The following STAG2 variants were observed in gnomAD, a reference collection of about 807,000 sequenced individuals.
The protein encoded by STAG2 is cohesin subunit SA-2.
STAG2 carries 14 observed loss-of-function variants against 108.1 expected under a neutral mutation model. That is an observed-to-expected ratio of 0.13 (90% CI 0.09 to 0.20). The LOEUF (loss-of-function observed/expected upper bound fraction) is 0.20, where lower values mean the gene tolerates loss of function less well. Among genes scored for constraint, STAG2 ranks in the 10% least tolerant of loss-of-function variants. The pLI is 1.00. For synonymous variants in STAG2, 307 were observed against 302.7 expected, an observed-to-expected ratio of 1.01 and a Z score of -0.15; for missense variants, 440 against 940.9, an observed-to-expected ratio of 0.47 and a Z score of 6.96.
rs180824753 is a variant in STAG2 at position 124,029,398 on chromosome X, C to T, written c.124-1563C>T. Among the ~76,000 whole-genome samples, 249 of 109,331 alleles carry T rather than the reference C, an allele frequency of 2.3e-3. 3 individuals carry two copies. In the East Asian group the frequency reaches 0.045, roughly 20 times the overall value. The allele number at this position is 109,331 out of a possible 115,157, so 94.9% of individuals were successfully genotyped here. ...TGATCTCGGCTCACTGCAGCCTCCA[C>T]CTCCTGGGTTCAAGCAATTTTCCTG... On this transcript the variant is annotated intron_variant, in intron 4 of 34. Coordinates refer to ENST00000371145, the MANE Select transcript of STAG2 (RefSeq NM_001042750.2).
chrX:124,091,003 C>A lies in STAG2; in HGVS notation c.3578+39C>A, dbSNP rs1443559004. The A allele has an allele frequency of 4.1e-6, 4 of 983,757 alleles. No homozygotes were observed. The South Asian group carries it at 6.5e-5, about 16-fold the overall frequency. 81.1% of individuals were successfully genotyped at this position (983,757 alleles called of 1,213,427 possible). ...CCTTATTGTCTGAGTCTAGGAAGTTCACTAATTCATTTTAACATTTTAATG... is the reference window on the plus strand; with the variant it reads ...CCTTATTGTCTGAGTCTAGGAAGTTAACTAATTCATTTTAACATTTTAATG... On this transcript the variant is annotated intron_variant, in intron 32 of 34. Transcript: ENST00000371145.
At chrX:123,981,573 T>C (rs897055909) in intron 1 of STAG2, among the ~76,000 whole-genome samples, 1 of 111,945 alleles carries the variant, frequency 8.9e-6, no homozygotes, top group African/African-American at 3.2e-5. Flanking sequence ...GGGTTACTTA[T>C]ACCTTTTGGC....
chrX:124,095,594 C>T, intron 34 of STAG2, 145 bp downstream of exon 34: 1 of 471,877 alleles, frequency 2.1e-6, no homozygotes, highest in Admixed American at 3.5e-5. Flanking sequence ...GGCAGGATTT[C>T]AGTGGGAGGG....
chrX:124,043,130 G>GC (rs1254220222), intron 7 of STAG2, among the ~76,000 whole-genome samples: 1 of 102,422 alleles, frequency 9.8e-6, no homozygotes, highest in Non-Finnish European at 2.0e-5. Flanking sequence ...AGTGTCAGTT[G>GC]TTTTTTTTTT....
intron 3 of STAG2, among the ~76,000 whole-genome samples, chrX:124,024,354 TC>T (rs1268994558): frequency 9.0e-6 from 1 of 111,127 alleles, no homozygotes; most frequent in Non-Finnish European, 1.9e-5. Flanking sequence ...TACTTATACA[TC>T]AAGATATTTT....
intron 1 of STAG2, among the ~76,000 whole-genome samples, chrX:123,998,085 G>T (rs935852412): frequency 3.6e-5 from 4 of 110,739 alleles, no homozygotes; most frequent in African/African-American, 1.3e-4. Flanking sequence ...GTACATAAAT[G>T]TCTTTTTGAG....
intron 1 of STAG2, among the ~76,000 whole-genome samples, chrX:123,965,056 C>T (rs1602603307): frequency 1.9e-5 from 2 of 107,162 alleles, no homozygotes; most frequent in African/African-American, 3.4e-5. Flanking sequence ...GTCACAGTTC[C>T]GAAAGGAATC....
chrX:123,991,951 A>ATTT (rs2055501281), intron 1 of STAG2, among the ~76,000 whole-genome samples: 1 of 113,091 alleles, frequency 8.8e-6, no homozygotes, highest in Non-Finnish European at 1.9e-5. Context: ...AGGCGTGAGC[A>ATTT]ACGACGCCTG....
At chrX:124,014,346 TTA>T (rs1424558295) in intron 1 of STAG2, among the ~76,000 whole-genome samples, 5 of 111,556 alleles carry the variant, frequency 4.5e-5, no homozygotes. Context: ...CTTCCATCCT[TTA>T]TATATATGTA....
chrX:124,057,060 T>C (rs923036063), intron 14 of STAG2, among the ~76,000 whole-genome samples: 2 of 110,942 alleles, frequency 1.8e-5, no homozygotes, highest in Non-Finnish European at 3.8e-5. Flanking sequence ...GTCTTCAACT[T>C]ATTTTTCCTT....
chrX:124,034,624 T>A (rs903284408), intron 5 of STAG2, among the ~76,000 whole-genome samples: 1 of 111,415 alleles, frequency 9.0e-6, no homozygotes, highest in Non-Finnish European at 1.9e-5. Flanking sequence ...TGCAATAGTT[T>A]TATTTTACTC....
At chrX:124,028,779 A>G (rs1362720875) in intron 4 of STAG2, among the ~76,000 whole-genome samples, 2 of 89,811 alleles carry the variant, frequency 2.2e-5, no homozygotes, top group Non-Finnish European at 4.3e-5. Context: ...ACTGTCCAGG[A>G]GCTCTAAGAA....
At chrX:124,079,170 G>A (rs2058883853) in intron 27 of STAG2, among the ~76,000 whole-genome samples, 1 of 97,958 alleles carries the variant, frequency 1.0e-5, no homozygotes, top group Admixed American at 1.1e-4. Flanking sequence ...ACGGAGTCTC[G>A]CCCTGTCGCC....
chrX:124,068,256 C>T (rs1420948794), intron 23 of STAG2, among the ~76,000 whole-genome samples: 1 of 111,140 alleles, frequency 9.0e-6, no homozygotes, highest in East Asian at 2.8e-4. Flanking sequence ...GCATTCTGTG[C>T]TAGTGGCTTT....
At chrX:124,000,395 C>T (rs1340500345) in intron 1 of STAG2, among the ~76,000 whole-genome samples, 2 of 111,539 alleles carry the variant, frequency 1.8e-5, no homozygotes, top group East Asian at 2.8e-4. Context: ...TGTGGCCAGG[C>T]ATGGTGGCTG....
At chrX:124,097,640 CTG>C (rs2059416429) in intron 34 of STAG2, 2 of 306,309 alleles carry the variant, frequency 6.5e-6, no homozygotes, top group African/African-American at 5.3e-5. Flanking sequence ...GTGACAGACA[CTG>C]TGCTAGGTAT....
Position 124,100,665 on chromosome X carries a change from T to TAA in STAG2, c.*69_*70insAA. ...TGGAAGAGGAAATTTTAAAGTGTGG[T>TAA]AGATACAGTGAAATTCTGTACAGAT... is the stretch of plus-strand genomic sequence containing the variant. On this transcript the variant is annotated 3_prime_UTR_variant, in exon 35 of 35. Transcript: ENST00000371145. 1 of 909,021 alleles carries TAA rather than the reference T, an allele frequency of 1.1e-6. No homozygotes were observed. Among genetic ancestry groups the TAA allele is most frequent in the Non-Finnish European group, 1.6e-6 (1 of 630,059 alleles). 74.9% of individuals were successfully genotyped at this position (909,021 alleles called of 1,213,427 possible).
At chrX:123,987,225 C>T (rs898519967) in intron 1 of STAG2, among the ~76,000 whole-genome samples, 6 of 109,215 alleles carry the variant, frequency 5.5e-5, no homozygotes, top group Non-Finnish European at 1.1e-4. Flanking sequence ...CTCCTGACCT[C>T]GTGATCCACC....
intron 30 of STAG2, among the ~76,000 whole-genome samples, chrX:124,089,324 A>G (rs186682480): frequency 2.0e-3 from 227 of 112,645 alleles, no homozygotes; most frequent in Admixed American, 4.5e-3. Context: ...TTCAGTAACA[A>G]TTGTACACAA....
Sources: gnomAD v4.1 joint callset for allele counts (sites outside exome capture counted in the v4.1 genomes callset) on GRCh38, gnomAD v4.1.1 for gene constraint, MANE v1.5 for transcripts, NCBI Gene and HGNC (gene_info 2026-07-23, HGNC 2026-07-21) for gene names.